SCX: variants seen among roughly 807,000 people sequenced by gnomAD.
SCX encodes scleraxis bHLH transcription factor, also known as basic helix-loop-helix transcription factor scleraxis.
A neutral mutation model predicts 12.2 loss-of-function variants in SCX; 7 were observed. That is an observed-to-expected ratio of 0.57 (90% CI 0.33 to 1.08). SCX has a LOEUF of 1.08. SCX is among the 50% of genes least tolerant of loss of function. The pLI, the probability that SCX is intolerant of heterozygous loss-of-function variation, is 0.04. For synonymous variants in SCX, 193 were observed against 163.9 expected, an observed-to-expected ratio of 1.18 and a Z score of -1.36; for missense variants, 342 against 337.2, an observed-to-expected ratio of 1.01 and a Z score of -0.11.
chr8:144,266,666 A>G lies in SCX; in HGVS notation c.53A>G (p.Glu18Gly). Residue 18 changes from glutamate to glycine, a missense_variant, in exon 1 of 2, where the codon GAG becomes GGG. Coordinates refer to ENST00000567180, the MANE Select transcript of SCX (RefSeq NM_001080514.3). Reference sequence around the variant, plus strand: ...CCGCCGGGCCGCTACCTGTACCCCGAGGTGAGCCCGCTGTCGGAGGACGAG... The same window carrying G: ...CCGCCGGGCCGCTACCTGTACCCCGGGGTGAGCCCGCTGTCGGAGGACGAG... ...PAPPGRYLYP[E>G]VSPLSEDEDR... 8.0e-7 allele frequency: 1 copy of G among 1,254,220 alleles called. No individual in the cohort carries two copies. Among genetic ancestry groups the G allele is most frequent in the Admixed American group, 3.0e-5 (1 of 33,124 alleles). The allele number at this position is 1,254,220 out of a possible 1,614,324, so 77.7% of individuals were successfully genotyped here.
Position 144,268,376 on chromosome 8 carries a change from G to T in SCX, c.*234G>T. On this transcript the variant is annotated 3_prime_UTR_variant, in exon 2 of 2. Transcript: ENST00000567180. ...GCCCGGGCCCACTGGAACTTTCTGC[G>T]CTGGCTTTTCTTCCGGCCACTGTGT... 3.3e-6 allele frequency: 2 copies of T among 598,692 alleles called. No individual in the cohort carries two copies. Among genetic ancestry groups the T allele is most frequent in the South Asian group, 2.0e-5 (1 of 49,364 alleles). 37.1% of individuals were successfully genotyped at this position (598,692 alleles called of 1,614,324 possible). A position where few individuals can be genotyped will look rare whatever the true frequency, so the allele number is the denominator to read the frequency against.
chr8:144,266,967 C>T lies in SCX; in HGVS notation c.354C>T (p.Arg118=). The change falls in exon 1 of 2, where the codon CGC becomes CGT. Residue 118 remains arginine (R), a synonymous_variant. Coordinates refer to ENST00000567180, the MANE Select transcript of SCX (RefSeq NM_001080514.3). ...AGCTCTCCAAGATTGAGACGCTGCG[C>T]CTGGCCTCCAGCTACATCTCGCACC... ...DRKLSKIETL[R]LASSYISHLG... is the part of the protein sequence containing the mutation. 1 of 1,556,602 alleles carries T rather than the reference C, an allele frequency of 6.4e-7. No individual in the cohort carries two copies. The highest frequency in any genetic ancestry group is 8.6e-7 in the Non-Finnish European group (1 of 1,157,514).
rs1169914481 is a variant in SCX at position 144,266,724 on chromosome 8, G to A, written c.111G>A (p.Glu37=). Reference sequence around the variant, plus strand: ...GCAGCGACAGCTCGGGCTCCGACGAGAAACCCTGTCGCGTGCACGCGGCGC... The same window carrying A: ...GCAGCGACAGCTCGGGCTCCGACGAAAAACCCTGTCGCGTGCACGCGGCGC... ...DRGSDSSGSD[E]KPCRVHAARC... is the part of the protein sequence containing the mutation. The change falls in exon 1 of 2, where the codon GAG becomes GAA. Residue 37 remains glutamate, a synonymous_variant. Coordinates refer to ENST00000567180, the MANE Select transcript of SCX (RefSeq NM_001080514.3). The A allele has an allele frequency of 4.2e-6, 5 of 1,178,886 alleles. No individual in the cohort carries two copies. The highest frequency in any genetic ancestry group is 6.8e-5 in the East Asian group (1 of 14,636). The allele number at this position is 1,178,886 out of a possible 1,614,324, so 73.0% of individuals were successfully genotyped here.
chr8:144,268,330 T>C lies in SCX; in HGVS notation c.*188T>C. On this transcript the variant is annotated 3_prime_UTR_variant, in exon 2 of 2. Transcript: ENST00000567180. ...TACAGACAGGCGCCGGCAGCGGGAC[T>C]CTGCGCTGGCCCCAGCACCTGCCCG... 2 of 787,100 alleles carry C rather than the reference T, an allele frequency of 2.5e-6. No homozygotes were observed. Among genetic ancestry groups the C allele is most frequent in the Non-Finnish European group, 2.0e-6 (1 of 502,148 alleles). 48.8% of individuals were successfully genotyped at this position (787,100 alleles called of 1,614,324 possible).
Position 144,268,470 on chromosome 8 carries a change from G to A in SCX, c.*328G>A, listed in dbSNP as rs1845433121. 1.4e-5 allele frequency: 7 copies of A among 485,352 alleles called. No individual in the cohort carries two copies. Among genetic ancestry groups the A allele is most frequent in the Non-Finnish European group, 2.2e-5 (6 of 273,440 alleles). The allele number at this position is 485,352 out of a possible 1,614,324, so 30.1% of individuals were successfully genotyped here. On this transcript the variant is annotated 3_prime_UTR_variant, in exon 2 of 2. Transcript: ENST00000567180. ...ATTTTGTATAATTAAAAACAAAACA[G>A]TATCTTCCAAATATGGAGGCCAACT...
Position 144,268,091 on chromosome 8 carries a change from C to A in SCX, c.568-13C>A. On this transcript the variant is annotated splice_polypyrimidine_tract_variant and intron_variant, in intron 1 of 1. Transcript: ENST00000567180. ...CTCTGCCGGGGCCTGACACTCCTCCCTCCCCTCTGCAGAGCAAGGACCGCG... is the reference window on the plus strand; with the variant it reads ...CTCTGCCGGGGCCTGACACTCCTCCATCCCCTCTGCAGAGCAAGGACCGCG... 6.4e-7 allele frequency: 1 copy of A among 1,550,482 alleles called. No individual in the cohort carries two copies. The highest frequency in any genetic ancestry group is 2.0e-5 in the Admixed American group (1 of 51,066).
chr8:144,268,249 C>G lies in SCX; in HGVS notation c.*107C>G. On this transcript the variant is annotated 3_prime_UTR_variant, in exon 2 of 2. Transcript: ENST00000567180. ...GACCTGAGCTGGGCAAGGCCCACCG[C>G]AAGCATGCCCCCAGGCCAGCCCTGG... is the stretch of plus-strand genomic sequence containing the variant. 6.8e-7 allele frequency: 1 copy of G among 1,479,260 alleles called. No individual in the cohort carries two copies. The highest frequency in any genetic ancestry group is 9.2e-7 in the Non-Finnish European group (1 of 1,089,294). 91.6% of individuals were successfully genotyped at this position (1,479,260 alleles called of 1,614,324 possible). A position where few individuals can be genotyped will look rare whatever the true frequency, so the allele number is the denominator to read the frequency against.
In SCX at chr8:144,268,204, T is replaced by C. The variant is rs1845425235; in HGVS notation, c.*62T>C. 1 of 1,546,590 alleles carries C rather than the reference T, an allele frequency of 6.5e-7. No homozygotes were observed. Among genetic ancestry groups the C allele is most frequent in the South Asian group, 1.2e-5 (1 of 83,890 alleles). On this transcript the variant is annotated 3_prime_UTR_variant, in exon 2 of 2. Transcript: ENST00000567180. The stretch of plus-strand genomic sequence containing the variant: ...GGGGGAGGTGGACGCCCGGGGTGAC[T>C]GCAGACAGCCCCCACCTTGGACCTG...
intron 1 of SCX, among the ~76,000 whole-genome samples, 173 bp from the exon 2 acceptor site, chr8:144,267,931 G>A (rs935292502): frequency 3.3e-5 from 5 of 152,188 alleles, no homozygotes; most frequent in Admixed American, 2.0e-4. Context: ...TTACAATTTC[G>A]GCTGTGCAGC....
Position 144,267,144 on chromosome 8 carries a change from G to C in SCX, c.531G>C (p.Gln177His), listed in dbSNP as rs1392955837. 6.2e-5 allele frequency: 95 copies of C among 1,531,428 alleles called. No individual in the cohort carries two copies. The East Asian group carries it at 2.3e-3, about 37-fold the overall frequency. The allele number at this position is 1,531,428 out of a possible 1,614,324, so 94.9% of individuals were successfully genotyped here. A position where few individuals can be genotyped will look rare whatever the true frequency, so the allele number is the denominator to read the frequency against. ...ARDGENTQPK[Q>H]ICTFCLSNQR... ...ACGGCGAGAACACCCAGCCCAAACA[G>C]ATCTGCACCTTCTGCCTCAGCAACC... Residue 177 changes from glutamine to histidine, a missense_variant, in exon 1 of 2, where the codon CAG becomes CAC. Gln to His is a conservative substitution (Grantham distance 24). Around this residue, in one of 3 missense-constraint regions of SCX, gnomAD observed 161 missense variants for 155.7 expected, o/e 1.03. Transcript: ENST00000567180.
In SCX at chr8:144,268,154, C is replaced by T. The variant is rs1422274162; in HGVS notation, c.*12C>T. On this transcript the variant is annotated 3_prime_UTR_variant, in exon 2 of 2. Transcript: ENST00000567180. ...CGATTCGCAGTTAGGAGGTGGCCGG[C>T]AGCAGCCAGGAGGCAGACGCTGCTG... The T allele has an allele frequency of 1.3e-6, 2 of 1,550,840 alleles. No homozygotes were observed. Among genetic ancestry groups the T allele is most frequent in the Non-Finnish European group, 1.7e-6 (2 of 1,147,182 alleles).
In SCX at chr8:144,266,824, G is replaced by A. The variant is rs1205136805; in HGVS notation, c.211G>A (p.Gly71Ser). The change falls in exon 1 of 2, where the codon GGC becomes AGC. Residue 71 changes from glycine to serine, a missense_variant. Gly to Ser is a moderately conservative substitution (Grantham distance 56). Around this residue, in one of 3 missense-constraint regions of SCX, gnomAD observed 42 missense variants for 73.7 expected, o/e 0.57. Transcript: ENST00000567180. ...GGGCGGGGGGCCAGGGGGCCGGCCA[G>A]GCCGTGAGCCCCGGCAGCGGCACAC... ...AGGGGPGGRP[G>S]REPRQRHTAN... The A allele has an allele frequency of 3.2e-6, 4 of 1,261,842 alleles. No homozygotes were observed. In the South Asian group the frequency reaches 6.3e-5, roughly 20 times the overall value. The allele number at this position is 1,261,842 out of a possible 1,614,324, so 78.2% of individuals were successfully genotyped here.
intron 1 of SCX, 96 bp downstream of exon 1, chr8:144,267,276 C>A: frequency 7.4e-7 from 1 of 1,354,066 alleles, no homozygotes; most frequent in Non-Finnish European, 9.5e-7. Flanking sequence ...GGGCAGGGCT[C>A]CCCAACAGGG....
In SCX at chr8:144,267,096, GC is replaced by G; in HGVS notation, c.488del (p.Pro163ArgfsTer27). 1 of 1,403,784 alleles carries G rather than the reference GC, an allele frequency of 7.1e-7. No homozygotes were observed. Among genetic ancestry groups the G allele is most frequent in the Non-Finnish European group, 9.2e-7 (1 of 1,089,332 alleles). 87.0% of individuals were successfully genotyped at this position (1,403,784 alleles called of 1,614,324 possible). A position where few individuals can be genotyped will look rare whatever the true frequency, so the allele number is the denominator to read the frequency against. ...CGCGCGCCGGCAGCCCCCCGCCGCC[GC>G]CCCCGCCGCCTCCCGCCCGCGACGG... ...AARAGSPPPPPPPPPARDGEN... is the reference protein window; with the variant it reads ...AARAGSPPPPXPPPPARDGEN... On this transcript the variant is annotated frameshift_variant, in exon 1 of 2. Coordinates refer to ENST00000567180, the MANE Select transcript of SCX (RefSeq NM_001080514.3). LOFTEE classifies it high-confidence loss of function.
chr8:144,267,386 G>C (rs1197258866), intron 1 of SCX, among the ~76,000 whole-genome samples: 1 of 152,160 alleles, frequency 6.6e-6, no homozygotes, highest in Non-Finnish European at 1.5e-5. Context: ...TCCCAGTGGA[G>C]TGTGGAGTCC....
intron 1 of SCX, 85 bp downstream of exon 1, chr8:144,267,265 C>T: frequency 1.1e-5 from 15 of 1,395,568 alleles, no homozygotes; most frequent in Non-Finnish European, 1.4e-5. Flanking sequence ...CGAGGCCACA[C>T]GGGCAGGGCT....
In SCX at chr8:144,267,285, G is replaced by A; in HGVS notation, c.567+105G>A. Reference sequence around the variant, plus strand: ...CCACACGGGCAGGGCTCCCCAACAGGGCACAGGCAGGCACACCTGTAACAC... The same window carrying A: ...CCACACGGGCAGGGCTCCCCAACAGAGCACAGGCAGGCACACCTGTAACAC... On this transcript the variant is annotated intron_variant, in intron 1 of 1. Coordinates refer to ENST00000567180, the MANE Select transcript of SCX (RefSeq NM_001080514.3). 7 of 1,283,254 alleles carry A rather than the reference G, an allele frequency of 5.5e-6. 2 individuals carry two copies. The South Asian group carries it at 1.4e-4, about 25-fold the overall frequency. 79.5% of individuals were successfully genotyped at this position (1,283,254 alleles called of 1,614,324 possible).
At position 144,268,158 on chromosome 8, in the gene SCX, A is replaced by G; in HGVS notation, c.*16A>G. On this transcript the variant is annotated 3_prime_UTR_variant, in exon 2 of 2. Transcript: ENST00000567180. Reference sequence around the variant, plus strand: ...TCGCAGTTAGGAGGTGGCCGGCAGCAGCCAGGAGGCAGACGCTGCTGGGGG... The same window carrying G: ...TCGCAGTTAGGAGGTGGCCGGCAGCGGCCAGGAGGCAGACGCTGCTGGGGG... 1 of 1,550,500 alleles carries G rather than the reference A, an allele frequency of 6.4e-7. No individual in the cohort carries two copies. Among genetic ancestry groups the G allele is most frequent in the Non-Finnish European group, 8.7e-7 (1 of 1,146,958 alleles).
At chr8:144,267,332 C>A (rs889431593) in intron 1 of SCX, 152 bp downstream of exon 1, 2 of 968,454 alleles carry the variant, frequency 2.1e-6, no homozygotes, top group South Asian at 3.0e-5. Flanking sequence ...GGGCTGGGGC[C>A]TTCTCCTGGG....
Sources: allele counts gnomAD v4.1 joint callset (sites outside exome capture counted in the v4.1 genomes callset), GRCh38; gene constraint gnomAD v4.1.1; regional missense constraint gnomAD v4.1.1; transcripts MANE v1.5; gene names NCBI Gene and HGNC (gene_info 2026-07-23, HGNC 2026-07-21).